The following PARP14 variants were observed in gnomAD, a reference collection of about 807,000 sequenced individuals.
The protein encoded by PARP14 is poly(ADP-ribose) polymerase family member 14.
In PARP14, 59 loss-of-function variants were observed where a neutral mutation model predicts 154.2. The observed-to-expected ratio is 0.38, with a 90% CI of 0.31 to 0.48. The LOEUF (loss-of-function observed/expected upper bound fraction) is 0.48, where lower values mean the gene tolerates loss of function less well. Among genes scored for constraint, PARP14 ranks in the 20% least tolerant of loss-of-function variants. The pLI is 0.98. For missense variants in PARP14, 1,734 were observed against 2,131.6 expected (o/e 0.81, Z 3.67); for synonymous variants, 720 against 780.5 (o/e 0.92, Z 1.29).
chr3:122,713,956 G>T lies in PARP14; in HGVS notation c.3832+22G>T, dbSNP rs778673731. 17 of 1,586,494 alleles carry T rather than the reference G, an allele frequency of 1.1e-5. 1 individual carries two copies. The African/African-American group carries it at 1.9e-4, about 18-fold the overall frequency. On this transcript the variant is annotated intron_variant, in intron 11 of 16. Transcript: ENST00000474629. ...CAAGGTAAGGCATATTCTATTTTTTGGTCCTAAGTTGTAATTGTATGGGAG... is the reference window on the plus strand; with the variant it reads ...CAAGGTAAGGCATATTCTATTTTTTTGTCCTAAGTTGTAATTGTATGGGAG...
intron 8 of PARP14, among the ~76,000 whole-genome samples, chr3:122,705,836 C>T (rs900334500): frequency 4.6e-5 from 7 of 152,182 alleles, no homozygotes; most frequent in African/African-American, 1.7e-4. Flanking sequence ...GCAGCCAAAC[C>T]ACCTGAGTAA....
rs1200710836 is a variant in PARP14, at chr3:122,714,430, G to T, written c.4000+1G>T. ...ATTTGCCTCCCAGCCATTGGGACAGGTTCGTAGCCTCTGGCTGTCAAGGCT... is the reference window on the plus strand; with the variant it reads ...ATTTGCCTCCCAGCCATTGGGACAGTTTCGTAGCCTCTGGCTGTCAAGGCT... On this transcript the variant is annotated splice_donor_variant, in intron 12 of 16. Transcript: ENST00000474629. LOFTEE classifies it high-confidence loss of function. 4 of 1,557,488 alleles carry T rather than the reference G, an allele frequency of 2.6e-6. No individual in the cohort carries two copies. Among genetic ancestry groups the T allele is most frequent in the South Asian group, 1.2e-5 (1 of 81,906 alleles).
At chr3:122,706,050 G>A (rs1247127331) in intron 8 of PARP14, among the ~76,000 whole-genome samples, 1 of 152,174 alleles carries the variant, frequency 6.6e-6, no homozygotes, top group African/African-American at 2.4e-5. Context: ...AACTAAATGA[G>A]AGGCATGAAG....
intron 14 of PARP14, 69 bp downstream of exon 14, chr3:122,719,027 G>A (rs947084931): frequency 1.0e-5 from 14 of 1,356,944 alleles, no homozygotes; most frequent in South Asian, 3.5e-5. Flanking sequence ...TATTTGGTAC[G>A]TACATCAGAA....
chr3:122,680,934 C>T lies in PARP14; in HGVS notation c.51C>T (p.Pro17=), dbSNP rs754174383. The T allele has an allele frequency of 5.5e-5, 88 of 1,612,618 alleles. No individual in the cohort carries two copies. The highest frequency in any genetic ancestry group is 6.5e-5 in the Non-Finnish European group (77 of 1,179,388). Residue 17 remains proline, a synonymous_variant, in exon 1 of 17, where the codon CCC becomes CCT. Coordinates refer to ENST00000474629, the MANE Select transcript of PARP14 (RefSeq NM_017554.3). ...FPLLVEGSWG[P]DPPKNLNTKL... ...TGCTGGTCGAGGGCTCCTGGGGCCC[C>T]GACCCCCCGAAGAACTTGAACACCA... is the stretch of plus-strand genomic sequence containing the variant.
chr3:122,690,364 A>C (rs1220686738), intron 3 of PARP14, among the ~76,000 whole-genome samples: 2 of 152,086 alleles, frequency 1.3e-5, no homozygotes, highest in African/African-American at 4.8e-5. Context: ...CTTAGTGCTA[A>C]TTTATGTAGT....
chr3:122,725,189 C>T (rs995747140), intron 15 of PARP14, among the ~76,000 whole-genome samples: 13 of 152,314 alleles, frequency 8.5e-5, no homozygotes, highest in East Asian at 5.8e-4. Flanking sequence ...ACCTCCCAGA[C>T]GGGGTGGCTG....
At position 122,695,261 on chromosome 3, in the gene PARP14, T is replaced by G. The variant is rs142821246; in HGVS notation, c.599-165T>G. Among the ~76,000 whole-genome samples the G allele has an allele frequency of 7.0e-3, 1,062 of 152,124 alleles. 5 individuals are homozygous for G. The highest frequency in any genetic ancestry group is 0.022 in the African/African-American group (928 of 41,486). ...GTGTGTGTCGCCCAGCGACTGGGAG[T>G]TTTAGGTATGTAAATTCTCATGTAG... On this transcript the variant is annotated intron_variant, in intron 4 of 16. Coordinates refer to ENST00000474629, the MANE Select transcript of PARP14 (RefSeq NM_017554.3).
intron 2 of PARP14, 66 bp downstream of exon 2, chr3:122,685,384 C>T (rs1938340033): frequency 1.4e-6 from 2 of 1,429,524 alleles, no homozygotes; most frequent in Non-Finnish European, 1.9e-6. Flanking sequence ...ATGGGAATCA[C>T]CATGAAGAAA....
At position 122,696,883 on chromosome 3, in the gene PARP14, C is replaced by T. The variant is rs149682295; in HGVS notation, c.835+1221C>T. Reference sequence around the variant, plus strand: ...CTCCTCCTCCAAACTCACTCATTCTCTGTCCTCCACCATCTGTGATTTACT... The same window carrying T: ...CTCCTCCTCCAAACTCACTCATTCTTTGTCCTCCACCATCTGTGATTTACT... On this transcript the variant is annotated intron_variant, in intron 5 of 16. Transcript: ENST00000474629. Among the ~76,000 whole-genome samples, 192 of 152,298 alleles carry T rather than the reference C, an allele frequency of 1.3e-3. 6 individuals are homozygous for T. The East Asian group carries it at 0.033, about 26-fold the overall frequency.
intron 15 of PARP14, among the ~76,000 whole-genome samples, chr3:122,725,766 T>G (rs868785696): frequency 2.0e-5 from 3 of 152,236 alleles, no homozygotes; most frequent in Non-Finnish European, 4.4e-5. Context: ...ACTAGAGTAC[T>G]TAATCTTACT....
At chr3:122,720,053 TC>T (rs1375988104) in intron 14 of PARP14, among the ~76,000 whole-genome samples, 1 of 151,832 alleles carries the variant, frequency 6.6e-6, no homozygotes, top group Non-Finnish European at 1.5e-5. Context: ...TCTGTGGCTT[TC>T]CTTTTTTTTG....
At position 122,712,247 on chromosome 3, in the gene PARP14, T is replaced by A. The variant is rs979464818; in HGVS notation, c.3620-1177T>A. Among the ~76,000 whole-genome samples, 172 of 151,778 alleles carry A rather than the reference T, an allele frequency of 1.1e-3. 4 individuals carry two copies. The East Asian group carries it at 0.029, about 25-fold the overall frequency. ...TCTTTTTGGGATTCACATCTTTTTT[T>A]TTTTTTTTCTTTTTTCTATGGAGTC... On this transcript the variant is annotated intron_variant, in intron 9 of 16. Coordinates refer to ENST00000474629, the MANE Select transcript of PARP14 (RefSeq NM_017554.3).
rs146980616 is a variant in PARP14, at chr3:122,729,969, G to C, written c.*1372G>C. 37 of 152,290 alleles carry C rather than the reference G, an allele frequency of 2.4e-4. No individual in the cohort carries two copies. Among genetic ancestry groups the C allele is most frequent in the African/African-American group, 8.7e-4 (36 of 41,556 alleles). The allele number at this position is 152,290 out of a possible 1,614,324, so 9.4% of individuals were successfully genotyped here. ...TAACTCCTATCTATTGAATGGTGAA[G>C]TTTTAAAAATTTCCCCAGGTAAGTT... On this transcript the variant is annotated 3_prime_UTR_variant, in exon 17 of 17. Transcript: ENST00000474629.
chr3:122,697,687 A>G (rs1399090509), intron 5 of PARP14, among the ~76,000 whole-genome samples: 9 of 152,234 alleles, frequency 5.9e-5, no homozygotes, highest in Non-Finnish European at 1.3e-4. Context: ...ATTTGGTTCA[A>G]CTTCACAAAA....
chr3:122,680,852 C>T lies in PARP14; in HGVS notation c.-32C>T, dbSNP rs1208378062. ...AGTTAGCGGCCCGGAGTTGGCGCGG[C>T]CCCTGCAGTCCGGCGGAGAGCGGAG... On this transcript the variant is annotated 5_prime_UTR_variant, in exon 1 of 17. Coordinates refer to ENST00000474629, the MANE Select transcript of PARP14 (RefSeq NM_017554.3). 6.5e-7 allele frequency: 1 copy of T among 1,543,698 alleles called. No homozygotes were observed. The highest frequency in any genetic ancestry group is 8.8e-7 in the Non-Finnish European group (1 of 1,134,668).
chr3:122,703,934 G>A lies in PARP14; in HGVS notation c.3274G>A (p.Val1092Met). 8 of 1,613,964 alleles carry A rather than the reference G, an allele frequency of 5.0e-6. No individual in the cohort carries two copies. Among genetic ancestry groups the A allele is most frequent in the South Asian group, 1.1e-5 (1 of 91,086 alleles). ...WNLDCRYVLH[V>M]VAPEWRNGST... ...TCTGGACTGTCGCTATGTGCTTCAC[G>A]TGGTAGCTCCGGAGTGGAGAAATGG... The change falls in exon 7 of 17, where the codon GTG becomes ATG. Residue 1092 changes from valine (V) to methionine (M), a missense_variant. By Grantham distance (21) the Val-to-Met change is conservative. Transcript: ENST00000474629.
In PARP14 at chr3:122,703,022, A is replaced by C. The variant is rs559912089; in HGVS notation, c.3082-720A>C. On this transcript the variant is annotated intron_variant, in intron 6 of 16. Coordinates refer to ENST00000474629, the MANE Select transcript of PARP14 (RefSeq NM_017554.3). ...AAAAAAAAAAAAAACAAAAAAAAAA[A>C]ACAAAAAACAAAAAACAGTCATAGT... Among the ~76,000 whole-genome samples, 452 of 99,602 alleles carry C rather than the reference A, an allele frequency of 4.5e-3. 5 individuals carry two copies. The highest frequency in any genetic ancestry group is 0.012 in the African/African-American group (342 of 28,904). The allele number at this position is 99,602 out of a possible 152,430, so 65.3% of individuals were successfully genotyped here.
intron 15 of PARP14, chr3:122,720,621 C>T (rs1246221180): frequency 1.8e-6 from 1 of 560,668 alleles, no homozygotes; most frequent in African/African-American, 1.9e-5. Context: ...ACACTAAAGA[C>T]ATATATTTAC....
Sources: allele counts gnomAD v4.1 joint callset (sites outside exome capture counted in the v4.1 genomes callset), GRCh38; gene constraint gnomAD v4.1.1; transcripts MANE v1.5; gene names NCBI Gene and HGNC (gene_info 2026-07-23, HGNC 2026-07-21).